DPYD: variants seen among roughly 807,000 people sequenced by gnomAD.
DPYD encodes dihydropyrimidine dehydrogenase [NADP(+)].
Under a neutral mutation model 116.2 loss-of-function variants are expected in DPYD, and 109 were observed. The observed-to-expected ratio is 0.94, with a 90% confidence interval of 0.80 to 1.10. DPYD has a LOEUF of 1.10. Ranked by LOEUF, DPYD falls within the 50% of genes least tolerant of loss-of-function variation. DPYD has a pLI of 0.00. For missense variants in DPYD, 1,302 were observed against 1,254.5 expected (o/e 1.04, Z -0.57); for synonymous variants, 440 against 432.0 (o/e 1.02, Z -0.23).
At chr1:97,489,792 A>G (rs768930689) in intron 13 of DPYD, among the ~76,000 whole-genome samples, 12 of 152,214 alleles carry the variant, frequency 7.9e-5, no homozygotes, top group Non-Finnish European at 1.6e-4. Context: ...AAACAAACTT[A>G]GCATTTTAAA....
chr1:97,455,771 A>G (rs1289939996), intron 13 of DPYD, among the ~76,000 whole-genome samples: 1 of 151,932 alleles, frequency 6.6e-6, no homozygotes, highest in Non-Finnish European at 1.5e-5. Context: ...AATAAACTTT[A>G]TAATGGTCAG....
At chr1:97,627,854 C>CA (rs1301179571) in intron 8 of DPYD, among the ~76,000 whole-genome samples, 9 of 151,356 alleles carry the variant, frequency 5.9e-5, no homozygotes, top group Admixed American at 4.0e-4. Context: ...TATACATATA[C>CA]AAAAAATAAC....
At chr1:97,325,036 G>A (rs1173099768) in intron 16 of DPYD, among the ~76,000 whole-genome samples, 2 of 152,016 alleles carry the variant, frequency 1.3e-5, no homozygotes, top group East Asian at 3.9e-4. Context: ...TGATAAAACA[G>A]TTGATGAAGT....
At chr1:97,738,739 C>T (rs531981582) in intron 4 of DPYD, among the ~76,000 whole-genome samples, 18 of 149,874 alleles carry the variant, frequency 1.2e-4, no homozygotes, top group Non-Finnish European at 2.4e-4. Flanking sequence ...CTCAATTAAT[C>T]ATCTTCAAAT....
chr1:97,831,638 C>T (rs193248871), intron 2 of DPYD, among the ~76,000 whole-genome samples: 1 of 152,114 alleles, frequency 6.6e-6, no homozygotes, highest in Non-Finnish European at 1.5e-5. Context: ...TTTCCACCCT[C>T]CAAGTGCCTC....
chr1:97,761,207 T>C (rs1665554595), intron 3 of DPYD, among the ~76,000 whole-genome samples: 1 of 152,080 alleles, frequency 6.6e-6, no homozygotes, highest in Non-Finnish European at 1.5e-5. Context: ...ACAATCACCG[T>C]AGATGCACAA....
intron 3 of DPYD, among the ~76,000 whole-genome samples, chr1:97,765,307 A>G (rs1245978164): frequency 6.6e-6 from 1 of 152,138 alleles, no homozygotes; most frequent in African/African-American, 2.4e-5. Context: ...TCAACAAAGT[A>G]TTTTCAGAAA....
intron 3 of DPYD, among the ~76,000 whole-genome samples, chr1:97,761,792 T>TTA (rs1344624455): frequency 6.6e-6 from 1 of 152,122 alleles, no homozygotes; most frequent in Non-Finnish European, 1.5e-5. Context: ...TTAAACAGTG[T>TTA]TATATATACA....
chr1:97,249,308 G>A (rs918686017), intron 18 of DPYD, among the ~76,000 whole-genome samples: 3 of 152,104 alleles, frequency 2.0e-5, no homozygotes, highest in Non-Finnish European at 4.4e-5. Flanking sequence ...GACCAAGGCA[G>A]GAAGTCAGTT....
intron 18 of DPYD, among the ~76,000 whole-genome samples, chr1:97,290,017 A>T (rs901600757): frequency 2.0e-5 from 3 of 152,172 alleles, no homozygotes; most frequent in African/African-American, 7.2e-5. Flanking sequence ...AATGTACAAA[A>T]ATCAAATCAC....
intron 3 of DPYD, among the ~76,000 whole-genome samples, chr1:97,826,079 T>A (rs1458331804): frequency 6.6e-6 from 1 of 152,198 alleles, no homozygotes; most frequent in African/African-American, 2.4e-5. Flanking sequence ...AACAAGTACA[T>A]TTCATGCCAT....
intron 1 of DPYD, among the ~76,000 whole-genome samples, chr1:97,902,636 G>A (rs557220085): frequency 2.6e-5 from 4 of 151,810 alleles, no homozygotes; most frequent in Admixed American, 1.3e-4. Context: ...CACTTTCTCT[G>A]TCATTTTAAA....
At chr1:97,474,016 TAA>T (rs35210810) in intron 13 of DPYD, among the ~76,000 whole-genome samples, 9 of 132,040 alleles carry the variant, frequency 6.8e-5, no homozygotes, top group Admixed American at 7.7e-5. Flanking sequence ...AAACTGTCTT[TAA>T]AAAAAAAAAA....
chr1:97,081,043 T>C (rs1649114320), intron 22 of DPYD, among the ~76,000 whole-genome samples: 1 of 152,052 alleles, frequency 6.6e-6, no homozygotes, highest in African/African-American at 2.4e-5. Flanking sequence ...TAGCACTTTA[T>C]AAAAATAACG....
intron 18 of DPYD, among the ~76,000 whole-genome samples, chr1:97,246,167 A>C (rs1294504842): frequency 6.6e-6 from 1 of 152,178 alleles, no homozygotes; most frequent in Non-Finnish European, 1.5e-5. Context: ...TCTATCAATT[A>C]GTTGACAATA....
At chr1:97,874,569 G>A (rs376030746) in intron 2 of DPYD, among the ~76,000 whole-genome samples, 3 of 151,878 alleles carry the variant, frequency 2.0e-5, no homozygotes, top group African/African-American at 7.2e-5. Flanking sequence ...CCTTAAAAAT[G>A]ATGTGATTCA....
At chr1:97,353,235 G>A (rs1003149645) in intron 16 of DPYD, among the ~76,000 whole-genome samples, 1 of 152,182 alleles carries the variant, frequency 6.6e-6, no homozygotes, top group African/African-American at 2.4e-5. Flanking sequence ...CTCGCTGCCA[G>A]GCTGCTATAA....
rs756992995 is a variant in DPYD at position 97,193,143 on chromosome 1, C to T, written c.2548G>A (p.Asp850Asn). ...CTCACAGTAGCTGGACTCTGTCCAT[C>T]CCAGTCTTGTAGTTCTTCAATGCTT... ...LKSIEELQDW[D>N]GQSPATVSHQ... The change falls in exon 20 of 23, where the codon GAT becomes AAT. Residue 850 changes from aspartate to asparagine, a missense_variant. Physicochemically the swap from Asp to Asn is conservative, Grantham distance 23. Coordinates refer to ENST00000370192, the MANE Select transcript of DPYD (RefSeq NM_000110.4). 5.0e-6 allele frequency: 8 copies of T among 1,614,020 alleles called. No individual in the cohort carries two copies. The highest frequency in any genetic ancestry group is 3.3e-5 in the Admixed American group (2 of 60,002).
In DPYD at chr1:97,621,831, GCACATACA is replaced by G. The variant is rs1023941353; in HGVS notation, c.851-26673_851-26666del. Among the ~76,000 whole-genome samples the G allele has an allele frequency of 5.0e-4, 76 of 151,824 alleles. 2 individuals carry two copies. Among genetic ancestry groups the G allele is most frequent in the Non-Finnish European group, 2.9e-5 (2 of 67,890 alleles). On this transcript the variant is annotated intron_variant, in intron 8 of 22. Transcript: ENST00000370192. ...AAAACACAAACACACACTAATGCATGCACATACACACATACACACGCACAGATGTAGAT... is the reference window on the plus strand; with the variant it reads ...AAAACACAAACACACACTAATGCATGCACATACACACGCACAGATGTAGAT...
Sources: gnomAD v4.1 joint callset for allele counts (sites outside exome capture counted in the v4.1 genomes callset) on GRCh38, gnomAD v4.1.1 for gene constraint, MANE v1.5 for transcripts, NCBI Gene and HGNC (gene_info 2026-07-23, HGNC 2026-07-21) for gene names.